The following UBE2F variants were observed in gnomAD, a reference collection of about 807,000 sequenced individuals.
UBE2F encodes the protein NEDD8-conjugating enzyme UBE2F.
Under a neutral mutation model 29.6 loss-of-function variants are expected in UBE2F, and 5 were observed. The observed-to-expected ratio is 0.17, with a 90% CI of 0.09 to 0.36. The LOEUF is 0.36. Among genes scored for constraint, UBE2F ranks in the 10% least tolerant of loss-of-function variants. UBE2F has a pLI of 1.00. For synonymous variants in UBE2F, 66 were observed against 81.8 expected, an observed-to-expected ratio of 0.81 and a Z score of 1.04; for missense variants, 141 against 228.5, an observed-to-expected ratio of 0.62 and a Z score of 2.47.
chr2:237,968,049 G>C (rs2063096564), intron 1 of UBE2F, among the ~76,000 whole-genome samples: 1 of 152,122 alleles, frequency 6.6e-6, no homozygotes, highest in Admixed American at 6.5e-5. Context: ...GTGAAGGGAA[G>C]GAGGGCATTC....
intron 2 of UBE2F, chr2:237,986,234 C>T (rs941898975): frequency 7.4e-5 from 24 of 323,582 alleles, no homozygotes; most frequent in African/African-American, 2.0e-4. Flanking sequence ...ACTGCAGCCT[C>T]GACTTCCCAG....
chr2:238,001,799 G>A (rs531060976), intron 4 of UBE2F, among the ~76,000 whole-genome samples: 163 of 152,058 alleles, frequency 1.1e-3, no homozygotes, highest in Middle Eastern at 3.4e-3. Context: ...CAGCCTGGGC[G>A]ACAGAGCAAG....
At chr2:237,994,109 C>CTTTT in intron 3 of UBE2F, among the ~76,000 whole-genome samples, 1 of 122,362 alleles carries the variant, frequency 8.2e-6, no homozygotes, top group South Asian at 2.6e-4. Flanking sequence ...TCTTCTTCTT[C>CTTTT]TTTTTTTTTT....
chr2:237,973,361 TC>T, intron 2 of UBE2F, 136 bp downstream of exon 2: 1 of 1,016,514 alleles, frequency 9.8e-7, no homozygotes, highest in Non-Finnish European at 1.4e-6. Flanking sequence ...TAATTGCTTA[TC>T]TCTTATAGTG....
intron 5 of UBE2F, among the ~76,000 whole-genome samples, chr2:238,024,733 A>T (rs1379720204): frequency 1.3e-5 from 2 of 152,224 alleles, no homozygotes; most frequent in Non-Finnish European, 1.5e-5. Flanking sequence ...AAACATGCCA[A>T]GTCATAAATG....
intron 1 of UBE2F, among the ~76,000 whole-genome samples, chr2:237,969,566 C>T (rs1459887800): frequency 6.6e-6 from 1 of 152,162 alleles, no homozygotes; most frequent in African/African-American, 2.4e-5. Flanking sequence ...GCATCTGGTG[C>T]GTCCAGCTGA....
intron 3 of UBE2F, among the ~76,000 whole-genome samples, chr2:237,991,498 C>T (rs913396587): frequency 1.3e-5 from 2 of 150,730 alleles, no homozygotes; most frequent in African/African-American, 4.9e-5. Flanking sequence ...TCAGATAGTG[C>T]ATGCCTACAT....
At chr2:237,976,858 C>T (rs546038946) in intron 2 of UBE2F, among the ~76,000 whole-genome samples, 1 of 152,164 alleles carries the variant, frequency 6.6e-6, no homozygotes, top group East Asian at 1.9e-4. Flanking sequence ...TACCCATAAA[C>T]TGCTGAGACT....
chr2:238,042,643 A>T lies in UBE2F; in HGVS notation c.*1305A>T, dbSNP rs1209628157. On this transcript the variant is annotated 3_prime_UTR_variant, in exon 10 of 10. Transcript: ENST00000272930. ...CAAACTTAACTGCCAGCTTCCTTAGACCTCTGGATTCCCCCATCTGCCATC... is the reference window on the plus strand; with the variant it reads ...CAAACTTAACTGCCAGCTTCCTTAGTCCTCTGGATTCCCCCATCTGCCATC... The T allele has an allele frequency of 6.6e-6, 1 of 152,138 alleles. No homozygotes were observed. The highest frequency in any genetic ancestry group is 6.5e-5 in the Admixed American group (1 of 15,278). The allele number at this position is 152,138 out of a possible 1,614,324, so 9.4% of individuals were successfully genotyped here. A position where few individuals can be genotyped will look rare whatever the true frequency, so the allele number is the denominator to read the frequency against.
At chr2:238,010,641 G>A (rs1039430956) in intron 4 of UBE2F, among the ~76,000 whole-genome samples, 1 of 152,134 alleles carries the variant, frequency 6.6e-6, no homozygotes, top group African/African-American at 2.4e-5. Context: ...TCAAAGTGGG[G>A]GAACCTCAAG....
chr2:238,003,411 G>A (rs1457606076), intron 4 of UBE2F: 1 of 470,752 alleles, frequency 2.1e-6, no homozygotes, highest in Non-Finnish European at 4.4e-6. Flanking sequence ...TGCCTACTGA[G>A]TAGGCCACCC....
intron 7 of UBE2F, 101 bp downstream of exon 7, chr2:238,030,714 A>G (rs2064554300): frequency 3.4e-6 from 3 of 872,064 alleles, no homozygotes; most frequent in South Asian, 1.4e-5. Flanking sequence ...TGCCTGTCAC[A>G]TCCACACCAG....
At chr2:238,031,858 C>G (rs1299086028) in intron 7 of UBE2F, among the ~76,000 whole-genome samples, 1 of 152,212 alleles carries the variant, frequency 6.6e-6, no homozygotes, top group African/African-American at 2.4e-5. Flanking sequence ...TTGAAGGTGA[C>G]TTTTTAGAAG....
intron 2 of UBE2F, among the ~76,000 whole-genome samples, chr2:237,974,754 A>C (rs2063245346): frequency 6.6e-6 from 1 of 151,872 alleles, no homozygotes; most frequent in Non-Finnish European, 1.5e-5. Context: ...ACCTCAGGTG[A>C]TCCGCCCGCC....
chr2:237,984,187 C>G (rs1431324333), intron 2 of UBE2F, among the ~76,000 whole-genome samples: 1 of 152,134 alleles, frequency 6.6e-6, no homozygotes, highest in East Asian at 1.9e-4. Flanking sequence ...CTCAGAGTTG[C>G]TGGAACCTCT....
At chr2:238,019,679 G>A (rs1326402664) in intron 5 of UBE2F, among the ~76,000 whole-genome samples, 1 of 27,160 alleles carries the variant, frequency 3.7e-5, no homozygotes, top group African/African-American at 1.7e-4. Flanking sequence ...TTTTTAATGA[G>A]ATGGAGTTTC....
chr2:238,027,619 A>C lies in UBE2F; in HGVS notation c.353+2207A>C, dbSNP rs1053861666. Among the ~76,000 whole-genome samples the C allele has an allele frequency of 2.0e-5, 3 of 152,326 alleles. No homozygotes were observed. The East Asian group carries it at 5.8e-4, about 29-fold the overall frequency. ...ACTCGTATGTACCCTTGGACTTGTC[A>C]GCTGCACTTCTAGGGATTTAATCTA... is the stretch of plus-strand genomic sequence containing the variant. On this transcript the variant is annotated intron_variant, in intron 6 of 9. Coordinates refer to ENST00000272930, the MANE Select transcript of UBE2F (RefSeq NM_080678.3).
At chr2:237,983,241 G>A (rs1199151172) in intron 2 of UBE2F, among the ~76,000 whole-genome samples, 1 of 152,256 alleles carries the variant, frequency 6.6e-6, no homozygotes, top group Non-Finnish European at 1.5e-5. Flanking sequence ...ATCATGGCAA[G>A]TGGGTGAACT....
chr2:238,014,019 C>T (rs2106380091), intron 4 of UBE2F, among the ~76,000 whole-genome samples: 1 of 152,336 alleles, frequency 6.6e-6, no homozygotes, highest in African/African-American at 2.4e-5. Context: ...GAGTCCACTA[C>T]CTGCCGGCTG....
Sources: allele counts gnomAD v4.1 joint callset (sites outside exome capture counted in the v4.1 genomes callset), GRCh38; gene constraint gnomAD v4.1.1; transcripts MANE v1.5; gene names NCBI Gene and HGNC (gene_info 2026-07-23, HGNC 2026-07-21).